The following KCNQ1 variants were observed in gnomAD, a reference collection of about 807,000 sequenced individuals.
KCNQ1 encodes potassium voltage-gated channel subfamily Q member 1.
A neutral mutation model predicts 72.4 loss-of-function variants in KCNQ1; 49 were observed. The observed-to-expected ratio is 0.68, with a 90% CI of 0.54 to 0.86. The LOEUF (loss-of-function observed/expected upper bound fraction) is 0.86. Among genes scored for constraint, KCNQ1 ranks in the 40% least tolerant of loss-of-function variants. The pLI is 0.00. For missense variants in KCNQ1, 790 were observed against 945.1 expected (o/e 0.84, Z 2.15); for synonymous variants, 450 against 412.6 (o/e 1.09, Z -1.10).
At position 2,691,241 on chromosome 11, in the gene KCNQ1, C is replaced by T. The variant is rs1564859752; in HGVS notation, c.1514+29160C>T. 5.0e-6 allele frequency: 2 copies of T among 398,470 alleles called. No individual in the cohort carries two copies. The highest frequency in any genetic ancestry group is 8.8e-6 in the Non-Finnish European group (2 of 226,106). 24.7% of individuals were successfully genotyped at this position (398,470 alleles called of 1,614,324 possible). A position where few individuals can be genotyped will look rare whatever the true frequency, so the allele number is the denominator to read the frequency against. ...GGAGTTAGAGGATCTGCAGTTAACC[C>T]CTTGAGTCTCGGAAGGCTGTTTGAG... On this transcript the variant is annotated intron_variant, in intron 11 of 15. Coordinates refer to ENST00000155840, the MANE Select transcript of KCNQ1 (RefSeq NM_000218.3). The surrounding 1 kb of genome is among the most constrained non-coding windows in gnomAD (Gnocchi z 6.4).
At position 2,677,483 on chromosome 11, in the gene KCNQ1, T is replaced by G. The variant is rs1850314231; in HGVS notation, c.1514+15402T>G. 6 of 398,436 alleles carry G rather than the reference T, an allele frequency of 1.5e-5. No homozygotes were observed. The highest frequency in any genetic ancestry group is 2.7e-5 in the Non-Finnish European group (6 of 226,050). The allele number at this position is 398,436 out of a possible 1,614,324, so 24.7% of individuals were successfully genotyped here. On this transcript the variant is annotated intron_variant, in intron 11 of 15. Coordinates refer to ENST00000155840, the MANE Select transcript of KCNQ1 (RefSeq NM_000218.3). The surrounding 1 kb of genome is among the most constrained non-coding windows in gnomAD (Gnocchi z 4.5). ...GTCAAGCAGTGAAACCATGCCATAC[T>G]TCTACAAAAAATGATCCTCTCTGTG...
chr11:2,754,628 G>C (rs917745144), intron 11 of KCNQ1, among the ~76,000 whole-genome samples: 5 of 152,162 alleles, frequency 3.3e-5, no homozygotes, highest in Non-Finnish European at 7.3e-5. Context: ...CAGGTTGCTG[G>C]AATCAATCAT....
rs939500654 is a variant in KCNQ1 at position 2,712,171 on chromosome 11, G to A, written c.1514+50090G>A. 7.9e-5 allele frequency among the ~76,000 whole-genome samples: 12 copies of A among 152,132 alleles called. No individual in the cohort carries two copies. Among genetic ancestry groups the A allele is most frequent in the Non-Finnish European group, 1.6e-4 (11 of 68,020 alleles). On this transcript the variant is annotated intron_variant, in intron 11 of 15. Coordinates refer to ENST00000155840, the MANE Select transcript of KCNQ1 (RefSeq NM_000218.3). This position sits in a 1 kb window ranked among gnomAD's most constrained non-coding sequence, Gnocchi z 6.4. ...GGTTTTGTGCTTGCATCTCATTTAA[G>A]CCATGAACACTTGCCGGCTCTCTAT...
At position 2,461,101 on chromosome 11, in the gene KCNQ1, G is replaced by A. The variant is rs71471702; in HGVS notation, c.386+15617G>A. On this transcript the variant is annotated intron_variant, in intron 1 of 15. Coordinates refer to ENST00000155840, the MANE Select transcript of KCNQ1 (RefSeq NM_000218.3). ...GGCTGGGGGCAGCCTGGGGTGTTGA[G>A]AGGCCCTGGGCAGCCACCTTGCCTC... 1.4e-4 allele frequency among the ~76,000 whole-genome samples: 21 copies of A among 152,310 alleles called. No homozygotes were observed. The South Asian group carries it at 1.5e-3, about 11-fold the overall frequency.
rs1258340494 is a variant in KCNQ1, at chr11:2,787,182, C to A, written c.1794+9145C>A. ...AGCTGAGCATGGACTAACTTGTGAA[C>A]ATGACTTTCCAGGACAGAACTTGTT... On this transcript the variant is annotated intron_variant, in intron 15 of 15. Coordinates refer to ENST00000155840, the MANE Select transcript of KCNQ1 (RefSeq NM_000218.3). The surrounding 1 kb of genome is among the most constrained non-coding windows in gnomAD (Gnocchi z 6.3). 6.6e-6 allele frequency among the ~76,000 whole-genome samples: 1 copy of A among 152,134 alleles called. No homozygotes were observed. Among genetic ancestry groups the A allele is most frequent in the Non-Finnish European group, 1.5e-5 (1 of 68,024 alleles).
At chr11:2,542,361 C>G (rs1354131758) in intron 2 of KCNQ1, among the ~76,000 whole-genome samples, 2 of 152,246 alleles carry the variant, frequency 1.3e-5, no homozygotes, top group Non-Finnish European at 2.9e-5. Context: ...CCCGTGCCCA[C>G]CAAAGGCGCG....
chr11:2,625,427 GTTTA>G (rs1310781529), intron 10 of KCNQ1: 1 of 398,348 alleles, frequency 2.5e-6, no homozygotes, highest in Non-Finnish European at 4.4e-6. Context: ...CCTAGGCTGT[GTTTA>G]TTTTTTTAAT....
At chr11:2,587,455 C>A in intron 8 of KCNQ1, 115 bp from the exon 9 acceptor site, 1 of 1,466,190 alleles carries the variant, frequency 6.8e-7, no homozygotes, top group Non-Finnish European at 9.4e-7. Flanking sequence ...CCAGACCCTG[C>A]CACCCAGAGG....
chr11:2,633,433 T>C (rs1039542949), intron 10 of KCNQ1: 1 of 398,594 alleles, frequency 2.5e-6, no homozygotes, highest in Non-Finnish European at 4.4e-6. Flanking sequence ...GTCTTACCCA[T>C]AAAATCTTCG....
Position 2,582,137 on chromosome 11 carries a change from G to A in KCNQ1, c.922-1298G>A, listed in dbSNP as rs1012497506. Among the ~76,000 whole-genome samples the A allele has an allele frequency of 7.2e-5, 11 of 152,298 alleles. No homozygotes were observed. The East Asian group carries it at 1.2e-3, about 16-fold the overall frequency. ...GCTCATCGGTACAGCCTGGTTTCCCGCAATGTGGCCGCTTCTGCTACCTGA... is the reference window on the plus strand; with the variant it reads ...GCTCATCGGTACAGCCTGGTTTCCCACAATGTGGCCGCTTCTGCTACCTGA... On this transcript the variant is annotated intron_variant, in intron 6 of 15. Coordinates refer to ENST00000155840, the MANE Select transcript of KCNQ1 (RefSeq NM_000218.3).
At chr11:2,716,648 G>A (rs1270433770) in intron 11 of KCNQ1, among the ~76,000 whole-genome samples, 2 of 152,194 alleles carry the variant, frequency 1.3e-5, no homozygotes, top group Non-Finnish European at 2.9e-5. Context: ...CTTGAGGGCC[G>A]CTCAGCTACA....
At chr11:2,548,021 G>A (rs1483733108) in intron 2 of KCNQ1, among the ~76,000 whole-genome samples, 1 of 152,198 alleles carries the variant, frequency 6.6e-6, no homozygotes, top group Non-Finnish European at 1.5e-5. Flanking sequence ...CCTGGCGTGT[G>A]AGGGCTTGGG....
At chr11:2,459,710 G>A (rs1005443557) in intron 1 of KCNQ1, among the ~76,000 whole-genome samples, 5 of 151,600 alleles carry the variant, frequency 3.3e-5, no homozygotes, top group African/African-American at 4.8e-5. Context: ...GGCCCCCTCC[G>A]CCCTCCTGCC....
At position 2,600,462 on chromosome 11, in the gene KCNQ1, T is replaced by C. The variant is rs1042537446; in HGVS notation, c.1393+11608T>C. 6.6e-6 allele frequency among the ~76,000 whole-genome samples: 1 copy of C among 152,236 alleles called. No homozygotes were observed. The highest frequency in any genetic ancestry group is 2.4e-5 in the African/African-American group (1 of 41,472). Reference sequence around the variant, plus strand: ...ACATTTGCTTTATCATTTGAACCCCTTTCTCTACATTATATTCACATAACA... The same window carrying C: ...ACATTTGCTTTATCATTTGAACCCCCTTCTCTACATTATATTCACATAACA... On this transcript the variant is annotated intron_variant, in intron 10 of 15. Coordinates refer to ENST00000155840, the MANE Select transcript of KCNQ1 (RefSeq NM_000218.3). This position sits in a 1 kb window ranked among gnomAD's most constrained non-coding sequence, Gnocchi z 5.6.
chr11:2,540,424 C>G (rs1447389336), intron 2 of KCNQ1, among the ~76,000 whole-genome samples: 1 of 152,240 alleles, frequency 6.6e-6, no homozygotes, highest in African/African-American at 2.4e-5. Context: ...GATCCCAGCC[C>G]CCTGTTCAGG....
chr11:2,629,769 AT>A (rs1849323111), intron 10 of KCNQ1: 1 of 398,298 alleles, frequency 2.5e-6, no homozygotes. Flanking sequence ...CTGAATGCTG[AT>A]TTTGTATCCT....
chr11:2,752,418 G>A lies in KCNQ1; in HGVS notation c.1515-16426G>A, dbSNP rs1028051632. 1.3e-5 allele frequency among the ~76,000 whole-genome samples: 2 copies of A among 151,996 alleles called. No individual in the cohort carries two copies. The highest frequency in any genetic ancestry group is 1.9e-4 in the East Asian group (1 of 5,188). ...TGCCAGGTGGTCTCTCGGGGGGTCCGATGGGATACCTAGTGTCTTAATCTG... is the reference window on the plus strand; with the variant it reads ...TGCCAGGTGGTCTCTCGGGGGGTCCAATGGGATACCTAGTGTCTTAATCTG... On this transcript the variant is annotated intron_variant, in intron 11 of 15. Transcript: ENST00000155840. This position sits in a 1 kb window ranked among gnomAD's most constrained non-coding sequence, Gnocchi z 5.2.
chr11:2,550,589 G>A lies in KCNQ1; in HGVS notation c.478-20039G>A, dbSNP rs138540012. The stretch of plus-strand genomic sequence containing the variant: ...AGGGTAGGGGAACAAATGCCAACAC[G>A]TGAGCTGAGTGACCGGAAGAGGGGG... On this transcript the variant is annotated intron_variant, in intron 2 of 15. Transcript: ENST00000155840. The surrounding 1 kb of genome is among the most constrained non-coding windows in gnomAD (Gnocchi z 6.0). 3.0e-3 allele frequency among the ~76,000 whole-genome samples: 450 copies of A among 152,294 alleles called. No individual in the cohort carries two copies. The highest frequency in any genetic ancestry group is 5.2e-3 in the Non-Finnish European group (356 of 68,018).
chr11:2,502,423 G>C (rs1371823668), intron 1 of KCNQ1, among the ~76,000 whole-genome samples: 1 of 152,200 alleles, frequency 6.6e-6, no homozygotes, highest in East Asian at 1.9e-4. Flanking sequence ...AACAAATCAA[G>C]AAAGTAATCC....
Sources: allele counts gnomAD v4.1 joint callset (sites outside exome capture counted in the v4.1 genomes callset), GRCh38; gene constraint gnomAD v4.1.1; non-coding constraint Gnocchi (gnomAD v3.1); transcripts MANE v1.5; gene names NCBI Gene and HGNC (gene_info 2026-07-23, HGNC 2026-07-21).